APC2: variants seen among roughly 807,000 people sequenced by gnomAD.
The protein encoded by APC2 is APC regulator of Wnt signaling pathway 2, also known as adenomatous polyposis coli protein 2.
A neutral mutation model predicts 72.5 loss-of-function variants in APC2; 41 were observed. The observed-to-expected ratio is 0.57, with a 90% CI of 0.44 to 0.73. The LOEUF (loss-of-function observed/expected upper bound fraction) is 0.73. Among genes scored for constraint, APC2 ranks in the 30% least tolerant of loss-of-function variants. The pLI is 0.00. For synonymous variants in APC2, 1,898 were observed against 1,612.0 expected (o/e 1.18, Z -4.25); for missense variants, 3,729 against 3,403.4 (o/e 1.10, Z -2.38).
Position 1,468,897 on chromosome 19 carries a change from G to A in APC2, c.5596G>A (p.Ala1866Thr), listed in dbSNP as rs1271817876. 2.6e-5 allele frequency: 39 copies of A among 1,506,262 alleles called. No homozygotes were observed. The highest frequency in any genetic ancestry group is 4.0e-5 in the Admixed American group (2 of 49,554). The allele number at this position is 1,506,262 out of a possible 1,614,324, so 93.3% of individuals were successfully genotyped here. A position where few individuals can be genotyped will look rare whatever the true frequency, so the allele number is the denominator to read the frequency against. Reference protein sequence around the residue: ...SQPPRSATPPARLAKTPSSSS... With the variant: ...SQPPRSATPPTRLAKTPSSSS... ...GCCCCCCAGAAGCGCCACACCGCCC[G>A]CCCGCCTCGCCAAGACCCCCTCCTC... Residue 1866 changes from alanine (A) to threonine (T), a missense_variant, in exon 15 of 15, where the codon GCC becomes ACC. Transcript: ENST00000590469.
chr19:1,446,923 TG>T (rs995131587), upstream of APC2, among the ~76,000 whole-genome samples: 1 of 152,078 alleles, frequency 6.6e-6, no homozygotes, highest in African/African-American at 2.4e-5. The surrounding 1 kb of genome is among the most constrained non-coding windows in gnomAD (Gnocchi z 6.1). Flanking sequence ...AAACTGAGGC[TG>T]GGGGGTGCAG....
chr19:1,455,320 T>A, intron 5 of APC2, 63 bp downstream of exon 5: 1 of 1,585,788 alleles, frequency 6.3e-7, no homozygotes, highest in East Asian at 2.3e-5. Flanking sequence ...GGAAGCGGCG[T>A]GGGGGAGGAA....
chr19:1,467,723 C>A lies in APC2; in HGVS notation c.4422C>A (p.Ser1474Arg). 7.0e-7 allele frequency: 1 copy of A among 1,436,382 alleles called. No homozygotes were observed. The allele number at this position is 1,436,382 out of a possible 1,614,324, so 89.0% of individuals were successfully genotyped here. A position where few individuals can be genotyped will look rare whatever the true frequency, so the allele number is the denominator to read the frequency against. Residue 1474 changes from serine to arginine, a missense_variant, in exon 15 of 15, where the codon AGC becomes AGA. Ser to Arg is a moderately radical substitution (Grantham distance 110). Coordinates refer to ENST00000590469, the MANE Select transcript of APC2 (RefSeq NM_005883.3). ...AGCTGCCCCTGGGCCGGCCCCCGAG[C>A]GCCCCCGCAGACAAGGACGGCTCAA... is the stretch of plus-strand genomic sequence containing the variant. ...GLELPLGRPP[S>R]APADKDGSKP... is the part of the protein sequence containing the mutation.
chr19:1,460,587 C>T (rs1056759883), intron 11 of APC2, among the ~76,000 whole-genome samples, 193 bp from the exon 12 acceptor site: 1 of 152,200 alleles, frequency 6.6e-6, no homozygotes, highest in Non-Finnish European at 1.5e-5. Context: ...GCCTCAGGGC[C>T]CCGAGGCTGG....
rs2084063956 is a variant in APC2, at chr19:1,468,392, C to T, written c.5091C>T (p.Val1697=). 3 of 1,582,740 alleles carry T rather than the reference C, an allele frequency of 1.9e-6. No homozygotes were observed. The highest frequency in any genetic ancestry group is 2.6e-6 in the Non-Finnish European group (3 of 1,163,394). ...TCCAGGAGGGCGCCAATTCAATTGT[C>T]ACGTGGCTGCACCAGGCAGCAGCTG... ...RAIQEGANSI[V]TWLHQAAAAT... is the part of the protein sequence containing the mutation. The change falls in exon 15 of 15, where the codon GTC becomes GTT. Residue 1697 remains valine (V), a synonymous_variant. Coordinates refer to ENST00000590469, the MANE Select transcript of APC2 (RefSeq NM_005883.3).
At position 1,458,035 on chromosome 19, in the gene APC2, G is replaced by A; in HGVS notation, c.1278G>A (p.Glu426=). Residue 426 remains glutamate (E), a synonymous_variant, in exon 10 of 15, where the codon GAG becomes GAA. Transcript: ENST00000590469. ...TTATGAAGCTGTCCTTTGATGAGGA[G>A]TACCGCCGTGCCATGAACGAGCTAG... ...CAVMKLSFDE[E]YRRAMNELGG... 1 of 1,565,108 alleles carries A rather than the reference G, an allele frequency of 6.4e-7. No individual in the cohort carries two copies. The highest frequency in any genetic ancestry group is 8.7e-7 in the Non-Finnish European group (1 of 1,153,596).
Position 1,465,781 on chromosome 19 carries a change from A to G in APC2, c.2480A>G (p.Lys827Arg), listed in dbSNP as rs1476535893. Residue 827 changes from lysine (K) to arginine (R), a missense_variant, in exon 15 of 15, where the codon AAG (lysine) becomes AGG (arginine). Physicochemically the swap from Lys to Arg is conservative, Grantham distance 26 (BLOSUM62 2). Coordinates refer to ENST00000590469, the MANE Select transcript of APC2 (RefSeq NM_005883.3). Reference sequence around the variant, plus strand: ...ACCCCGCCCACCCGCCGAGGCGGCAAGGAGGCAGAGAAGGACACCAGTGGG... The same window carrying G: ...ACCCCGCCCACCCGCCGAGGCGGCAGGGAGGCAGAGAAGGACACCAGTGGG... The part of the protein sequence containing the change: ...ARTPPTRRGG[K>R]EAEKDTSGEA... 6 of 1,574,020 alleles carry G rather than the reference A, an allele frequency of 3.8e-6. No individual in the cohort carries two copies. The East Asian group carries it at 1.2e-4, about 30-fold the overall frequency.
intron 6 of APC2, 88 bp from the exon 7 acceptor site, chr19:1,455,988 C>T: frequency 2.8e-6 from 3 of 1,075,254 alleles, no homozygotes; most frequent in Non-Finnish European, 2.4e-6. Context: ...GGGGTCAGAG[C>T]CCAGGGTGGG....
In APC2 at chr19:1,468,409, C is replaced by A. The variant is rs200444154; in HGVS notation, c.5108C>A (p.Ala1703Glu). The A allele has an allele frequency of 8.9e-4, 1,411 of 1,588,992 alleles. No homozygotes were observed. The highest frequency in any genetic ancestry group is 1.1e-3 in the Non-Finnish European group (1,318 of 1,168,434). Residue 1703 changes from alanine to glutamate, a missense_variant, in exon 15 of 15, where the codon GCA becomes GAA. Coordinates refer to ENST00000590469, the MANE Select transcript of APC2 (RefSeq NM_005883.3). ...ANSIVTWLHQ[A>E]AAATREASSE... ...TCAATTGTCACGTGGCTGCACCAGGCAGCAGCTGCCACGCGGGAGGCCTCG... is the reference window on the plus strand; with the variant it reads ...TCAATTGTCACGTGGCTGCACCAGGAAGCAGCTGCCACGCGGGAGGCCTCG...
At chr19:1,461,265 C>G in intron 13 of APC2, 112 bp downstream of exon 13, 1 of 922,524 alleles carries the variant, frequency 1.1e-6, no homozygotes, top group Non-Finnish European at 1.7e-6. Context: ...CAGCTCACTG[C>G]TTAGCGGGTG....
Position 1,453,125 on chromosome 19 carries a change from G to C in APC2, c.124G>C (p.Glu42Gln), listed in dbSNP as rs1178545874. ...CAGCCACCTGTCCAAGCTGGAGACA[G>C]AGACGTCGGGCATGAAGGTGGGGGC... ...NSSHLSKLET[E>Q]TSGMKEVLKH... The change falls in exon 2 of 15, where the codon GAG (glutamate) becomes CAG (glutamine). Residue 42 changes from glutamate (E) to glutamine (Q), a missense_variant. Glu to Gln is a conservative substitution (Grantham distance 29). Transcript: ENST00000590469. The C allele has an allele frequency of 1.1e-5, 17 of 1,604,806 alleles. No individual in the cohort carries two copies. Among genetic ancestry groups the C allele is most frequent in the Non-Finnish European group, 1.4e-5 (17 of 1,176,356 alleles).
chr19:1,470,404 C>A lies in APC2; in HGVS notation c.*191C>A. 1.2e-6 allele frequency: 1 copy of A among 835,732 alleles called. No homozygotes were observed. Among genetic ancestry groups the A allele is most frequent in the Non-Finnish European group, 1.7e-6 (1 of 577,056 alleles). The allele number at this position is 835,732 out of a possible 1,614,324, so 51.8% of individuals were successfully genotyped here. A position where few individuals can be genotyped will look rare whatever the true frequency, so the allele number is the denominator to read the frequency against. ...CTCACCGGAAGACCTTGCCTCTGTG[C>A]CGCGGAGGTCCAGGAGGAAACGGGG... On this transcript the variant is annotated 3_prime_UTR_variant, in exon 15 of 15. Transcript: ENST00000590469.
rs1436355037 is a variant in APC2 at position 1,467,741 on chromosome 19, C to T, written c.4440C>T (p.Asp1480=). The T allele has an allele frequency of 3.5e-6, 5 of 1,436,672 alleles. No homozygotes were observed. The highest frequency in any genetic ancestry group is 2.7e-5 in the East Asian group (1 of 36,384). 89.0% of individuals were successfully genotyped at this position (1,436,672 alleles called of 1,614,324 possible). ...CCCCGAGCGCCCCCGCAGACAAGGA[C>T]GGCTCAAAGCCCGGCCGGACCCGCG... The part of the protein sequence containing the change: ...GRPPSAPADK[D]GSKPGRTRGD... The change falls in exon 15 of 15, where the codon GAC becomes GAT. Residue 1480 remains aspartate (D), a synonymous_variant. Transcript: ENST00000590469.
At chr19:1,449,454 C>T (rs926528145), upstream of APC2, among the ~76,000 whole-genome samples, 1 of 152,162 alleles carries the variant, frequency 6.6e-6, no homozygotes, top group Admixed American at 6.5e-5. Flanking sequence ...AAGTGTGCCA[C>T]CCACCAGGGG....
Position 1,465,396 on chromosome 19 carries a change from CCCG to C in APC2, c.2098_2100del (p.Ala700del), listed in dbSNP as rs914027416. 6.4e-7 allele frequency: 1 copy of C among 1,565,688 alleles called. No homozygotes were observed. The highest frequency in any genetic ancestry group is 1.4e-5 in the African/African-American group (1 of 73,932). On this transcript the variant is annotated inframe_deletion, in exon 15 of 15. Transcript: ENST00000590469. ...CCTGCGCAACCTGCTGGCCCATCGG[CCCG>C]CCAAGCACCAGGCGGCCGCCACCGC...
rs1394562438 is a variant in APC2 at position 1,450,356 on chromosome 19, G to T, written c.-19+18G>T. 6.1e-6 allele frequency: 6 copies of T among 985,416 alleles called. No individual in the cohort carries two copies. Among genetic ancestry groups the T allele is most frequent in the Non-Finnish European group, 7.2e-6 (6 of 829,968 alleles). The allele number at this position is 985,416 out of a possible 1,614,324, so 61.0% of individuals were successfully genotyped here. ...GTAAGCGGGTGTGTGTCCTCGGGGA[G>T]GAGGGCAGGGGCGCGACCTCCGCCT... On this transcript the variant is annotated intron_variant, in intron 1 of 14. Coordinates refer to ENST00000590469, the MANE Select transcript of APC2 (RefSeq NM_005883.3).
chr19:1,458,165 G>C (rs2083868243), intron 10 of APC2, 105 bp downstream of exon 10: 6 of 1,071,642 alleles, frequency 5.6e-6, no homozygotes, highest in Admixed American at 2.0e-5. Flanking sequence ...GCTTGGGCTG[G>C]GGATTGGAGC....
At chr19:1,463,446 G>A (rs2083958387) in intron 14 of APC2, among the ~76,000 whole-genome samples, 1 of 151,022 alleles carries the variant, frequency 6.6e-6, no homozygotes, top group Non-Finnish European at 1.5e-5. Context: ...AACCAGGTGT[G>A]GTGGCTCATG....
chr19:1,450,682 G>A (rs1212700172), intron 1 of APC2, among the ~76,000 whole-genome samples: 1 of 152,186 alleles, frequency 6.6e-6, no homozygotes, highest in Admixed American at 6.5e-5. Flanking sequence ...AAGGAGAAAG[G>A]CCCCTTTGGG....
Sources: allele counts gnomAD v4.1 joint callset (sites outside exome capture counted in the v4.1 genomes callset), GRCh38; gene constraint gnomAD v4.1.1; non-coding constraint Gnocchi (gnomAD v3.1); transcripts MANE v1.5; gene names NCBI Gene and HGNC (gene_info 2026-07-23, HGNC 2026-07-21).